The following RNF135 variants were observed in gnomAD, a reference collection of about 807,000 sequenced individuals.
The protein encoded by RNF135 is ring finger protein 135, also known as E3 ubiquitin-protein ligase RNF135.
Under a neutral mutation model 41.9 loss-of-function variants are expected in RNF135, and 46 were observed. That is an observed-to-expected ratio of 1.10 (90% CI 0.87 to 1.40). The LOEUF (loss-of-function observed/expected upper bound fraction) is 1.40, where lower values mean the gene tolerates loss of function less well. Ranked by LOEUF, RNF135 falls within the 40% of genes most tolerant of loss-of-function variation. RNF135 has a pLI of 0.00. For missense variants in RNF135, 539 were observed against 549.8 expected (o/e 0.98, Z 0.20); for synonymous variants, 238 against 223.8 (o/e 1.06, Z -0.57).
At chr17:30,993,095 C>T (rs1908099618) in intron 3 of RNF135, among the ~76,000 whole-genome samples, 1 of 150,102 alleles carries the variant, frequency 6.7e-6, no homozygotes, top group Non-Finnish European at 1.5e-5. Context: ...GAGTCTCACT[C>T]TGTTGCCCAG....
chr17:30,968,452 C>G (rs556564932), upstream of RNF135, among the ~76,000 whole-genome samples: 156 of 149,444 alleles, frequency 1.0e-3, no homozygotes, highest in Middle Eastern at 3.5e-3. Context: ...GTGGTGCGAA[C>G]TCAGCTCACT....
chr17:30,987,438 G>T (rs1907669280), intron 2 of RNF135, among the ~76,000 whole-genome samples: 2 of 152,022 alleles, frequency 1.3e-5, no homozygotes, highest in African/African-American at 4.8e-5. Flanking sequence ...CACCATGTTG[G>T]CCAGGCTGGT....
chr17:30,984,485 C>G (rs1031809392), intron 1 of RNF135, 132 bp from the exon 2 acceptor site: 89 of 903,224 alleles, frequency 9.9e-5, no homozygotes, highest in Non-Finnish European at 1.5e-4. Flanking sequence ...TTTCTGGGTA[C>G]TCTATTGTAT....
At chr17:30,981,349 G>GGAGGGA (rs60373333) in intron 1 of RNF135, among the ~76,000 whole-genome samples, 145,594 of 149,480 alleles carry the variant, frequency 0.97, 70,960 homozygotes, top group Middle Eastern at 1. Flanking sequence ...GGGAGACCGT[G>GGAGGGA]GAGGGAGAGG....
intron 1 of RNF135, chr17:30,972,501 T>A (rs573779797): frequency 6.6e-6 from 1 of 152,304 alleles, no homozygotes; most frequent in East Asian, 1.9e-4. Context: ...CAAAACTGTT[T>A]CATCATCATA....
At chr17:30,995,250 T>C (rs1193646224) in intron 3 of RNF135, among the ~76,000 whole-genome samples, 3 of 152,038 alleles carry the variant, frequency 2.0e-5, no homozygotes, top group Non-Finnish European at 2.9e-5. Flanking sequence ...TAGCTGGGTG[T>C]GGTGGTGGGC....
At chr17:30,995,281 A>G (rs1908270878) in intron 3 of RNF135, among the ~76,000 whole-genome samples, 1 of 152,060 alleles carries the variant, frequency 6.6e-6, no homozygotes, top group Admixed American at 6.5e-5. Flanking sequence ...CCAGCTACTC[A>G]GGAGGCTGAG....
At chr17:30,964,389 C>CAAA in the RNF135 span, among the ~76,000 whole-genome samples, 59 of 37,082 alleles carry the variant, frequency 1.6e-3, no homozygotes, top group African/African-American at 2.9e-3. Context: ...GACTTCATCT[C>CAAA]AAAAAAAAAA....
the RNF135 span, among the ~76,000 whole-genome samples, chr17:30,960,519 C>T: frequency 6.6e-6 from 1 of 151,612 alleles, no homozygotes; most frequent in Non-Finnish European, 1.5e-5. Flanking sequence ...TATGGTCTCA[C>T]CACTGCACTC....
chr17:30,993,133 TCA>T (rs1238537504), intron 3 of RNF135, among the ~76,000 whole-genome samples: 1 of 151,302 alleles, frequency 6.6e-6, no homozygotes. Flanking sequence ...CGATCTCGGC[TCA>T]CCACAACCTC....
At chr17:30,962,275 G>A in the RNF135 span, among the ~76,000 whole-genome samples, 1 of 151,784 alleles carries the variant, frequency 6.6e-6, no homozygotes, top group Non-Finnish European at 1.5e-5. Flanking sequence ...TGGGATTACA[G>A]GCATGCACCA....
At chr17:30,966,651 G>A (rs1007152732), upstream of RNF135, among the ~76,000 whole-genome samples, 77 of 150,040 alleles carry the variant, frequency 5.1e-4, 1 homozygote, top group Admixed American at 2.7e-4. Context: ...GCCCGCCACC[G>A]TGCCTGGCTA....
Position 30,999,249 on chromosome 17 carries a change from A to C in RNF135, c.*58A>C. ...CTGGTCTCTCTCCCTGTCATCAATC[A>C]GGGTAGTAACTTGACTTAAGAATAC... On this transcript the variant is annotated 3_prime_UTR_variant, in exon 5 of 5. Transcript: ENST00000328381. 1 of 1,573,620 alleles carries C rather than the reference A, an allele frequency of 6.4e-7. No individual in the cohort carries two copies. Among genetic ancestry groups the C allele is most frequent in the Non-Finnish European group, 8.7e-7 (1 of 1,153,362 alleles).
chr17:30,986,899 AT>A (rs1907627671), intron 2 of RNF135, among the ~76,000 whole-genome samples: 1 of 152,122 alleles, frequency 6.6e-6, no homozygotes, highest in African/African-American at 2.4e-5. Context: ...TAAAACGGAG[AT>A]TTTTTACAGG....
At chr17:30,966,027 T>A (rs1905536626), upstream of RNF135, among the ~76,000 whole-genome samples, 1 of 152,210 alleles carries the variant, frequency 6.6e-6, no homozygotes. Context: ...GGTAAGGGAT[T>A]ATAGAAATTG....
chr17:30,970,944 C>A (rs1905838232), upstream of RNF135: 1 of 1,284,918 alleles, frequency 7.8e-7, no homozygotes, highest in Non-Finnish European at 1.1e-6. Flanking sequence ...GACGGGGTGG[C>A]GCCAAGGAAG....
At position 30,971,054 on chromosome 17, in the gene RNF135, G is replaced by T; in HGVS notation, c.-20G>T. 1 of 1,529,582 alleles carries T rather than the reference G, an allele frequency of 6.5e-7. No individual in the cohort carries two copies. The allele number at this position is 1,529,582 out of a possible 1,614,324, so 94.8% of individuals were successfully genotyped here. A position where few individuals can be genotyped will look rare whatever the true frequency, so the allele number is the denominator to read the frequency against. ...CGCCCGGCTCAACCCCGACGTCCGCGCCCCGGCCGCCTGTTGGCCATGGCG... is the reference window on the plus strand; with the variant it reads ...CGCCCGGCTCAACCCCGACGTCCGCTCCCCGGCCGCCTGTTGGCCATGGCG... On this transcript the variant is annotated 5_prime_UTR_variant, in exon 1 of 5. Transcript: ENST00000328381.
Position 30,971,378 on chromosome 17 carries a change from C to G in RNF135, c.305C>G (p.Pro102Arg), listed in dbSNP as rs900525309. 6.5e-7 allele frequency: 1 copy of G among 1,527,136 alleles called. No homozygotes were observed. The highest frequency in any genetic ancestry group is 8.8e-7 in the Non-Finnish European group (1 of 1,142,498). 94.6% of individuals were successfully genotyped at this position (1,527,136 alleles called of 1,614,324 possible). A position where few individuals can be genotyped will look rare whatever the true frequency, so the allele number is the denominator to read the frequency against. The stretch of plus-strand genomic sequence containing the variant: ...GCGGGCTCCGACCCTGCCCACTGCC[C>G]CTGCCCGGGCTCCAGTTCCCTCTCC... The part of the protein sequence containing the change: ...IQAGSDPAHC[P>R]CPGSSSLSSA... Residue 102 changes from proline (P) to arginine (R), a missense_variant, in exon 1 of 5, where the codon CCC becomes CGC. By Grantham distance (103) the Pro-to-Arg change is moderately radical (BLOSUM62 -2). This residue lies in a region of RNF135 where 277 missense variants were observed against 212.8 expected (regional missense o/e 1.30). Transcript: ENST00000328381.
At chr17:30,982,913 T>A (rs993324561) in intron 1 of RNF135, among the ~76,000 whole-genome samples, 1 of 152,146 alleles carries the variant, frequency 6.6e-6, no homozygotes, top group Non-Finnish European at 1.5e-5. Context: ...GACATTAAAA[T>A]TCTCCATTTC....
Sources: gnomAD v4.1 joint callset for allele counts (sites outside exome capture counted in the v4.1 genomes callset) on GRCh38, gnomAD v4.1.1 for gene constraint, gnomAD v4.1.1 regional missense constraint, MANE v1.5 for transcripts, NCBI Gene and HGNC (gene_info 2026-07-23, HGNC 2026-07-21) for gene names.